The following ADAMTSL1 variants were observed in gnomAD, a reference collection of about 807,000 sequenced individuals.
ADAMTSL1 encodes the protein ADAMTS like 1.
A neutral mutation model predicts 201.8 loss-of-function variants in ADAMTSL1; 126 were observed. The ratio of observed to expected loss-of-function variants is 0.62; its 90% CI spans 0.54 to 0.72. ADAMTSL1 has a LOEUF of 0.72. Among genes scored for constraint, ADAMTSL1 ranks in the 30% least tolerant of loss-of-function variants. The pLI is 0.00. For synonymous variants in ADAMTSL1, 1,121 were observed against 903.4 expected (o/e 1.24, Z -4.32); for missense variants, 2,679 against 2,277.8 (o/e 1.18, Z -3.59).
intron 1 of ADAMTSL1, among the ~76,000 whole-genome samples, chr9:18,153,992 T>C (rs1827036520): frequency 6.6e-6 from 1 of 151,990 alleles, no homozygotes. Context: ...TTTTGAGATT[T>C]ATAGCATCAG....
intron 2 of ADAMTSL1, among the ~76,000 whole-genome samples, chr9:18,376,781 G>A (rs1043000960): frequency 6.6e-6 from 1 of 152,136 alleles, no homozygotes; most frequent in African/African-American, 2.4e-5. Flanking sequence ...ACTCCAGCCT[G>A]GGCGACAGAA....
chr9:17,960,682 A>G (rs937914389), intron 1 of ADAMTSL1, among the ~76,000 whole-genome samples: 4 of 152,182 alleles, frequency 2.6e-5, no homozygotes, highest in African/African-American at 7.2e-5. Context: ...GGCAAGAAAG[A>G]TGTTCTTTTC....
chr9:18,741,376 A>G (rs1217304568), intron 15 of ADAMTSL1, among the ~76,000 whole-genome samples: 1 of 152,212 alleles, frequency 6.6e-6, no homozygotes, highest in African/African-American at 2.4e-5. Context: ...AATTATCATG[A>G]AAGGAAAGAG....
At chr9:18,744,464 T>C (rs1434734488) in intron 15 of ADAMTSL1, among the ~76,000 whole-genome samples, 1 of 152,246 alleles carries the variant, frequency 6.6e-6, no homozygotes, top group African/African-American at 2.4e-5. Context: ...TTTAGGAAGC[T>C]GCCTCACTCT....
At chr9:18,770,303 G>C (rs923115132) in intron 16 of ADAMTSL1, among the ~76,000 whole-genome samples, 2 of 152,158 alleles carry the variant, frequency 1.3e-5, no homozygotes, top group African/African-American at 2.4e-5. Context: ...TTTTAAACCA[G>C]TTGTCTTGGA....
chr9:18,618,118 A>C lies in ADAMTSL1; in HGVS notation c.475-4125A>C, dbSNP rs149144101. On this transcript the variant is annotated intron_variant, in intron 4 of 28. Transcript: ENST00000380548. ...TGTACTTGGGAAATAGTCTCTAAAA[A>C]ATAATAGCCCTTTACAGCAATTCTT... Among the ~76,000 whole-genome samples the C allele has an allele frequency of 3.3e-5, 5 of 152,318 alleles. No homozygotes were observed. In the East Asian group the frequency reaches 9.6e-4, roughly 29 times the overall value.
At chr9:18,329,056 G>C (rs1834934632) in intron 2 of ADAMTSL1, among the ~76,000 whole-genome samples, 1 of 152,096 alleles carries the variant, frequency 6.6e-6, no homozygotes, top group African/African-American at 2.4e-5. Context: ...CCAGTGTGAG[G>C]ATATTTGGAG....
At chr9:18,107,004 G>A (rs1336414219) in intron 1 of ADAMTSL1, among the ~76,000 whole-genome samples, 2 of 152,098 alleles carry the variant, frequency 1.3e-5, no homozygotes, top group Non-Finnish European at 2.9e-5. Context: ...CACATAGGTT[G>A]GGGCTTTTTT....
At chr9:18,167,437 A>G (rs1458319630) in intron 2 of ADAMTSL1, among the ~76,000 whole-genome samples, 1 of 152,008 alleles carries the variant, frequency 6.6e-6, no homozygotes, top group Admixed American at 6.6e-5. Context: ...GAGCTTTCAG[A>G]AGGAGATCTT....
intron 2 of ADAMTSL1, among the ~76,000 whole-genome samples, chr9:18,206,971 C>T (rs890134654): frequency 5.3e-5 from 8 of 151,968 alleles, no homozygotes; most frequent in Admixed American, 5.2e-4. Flanking sequence ...TTGAGATCAG[C>T]CTGGCCAACA....
At chr9:18,586,743 C>T (rs1160813052) in intron 4 of ADAMTSL1, among the ~76,000 whole-genome samples, 1 of 152,090 alleles carries the variant, frequency 6.6e-6, no homozygotes, top group African/African-American at 2.4e-5. Context: ...GGTTCAAGAA[C>T]AGACACATAG....
chr9:18,344,271 G>C (rs1285688490), intron 2 of ADAMTSL1, among the ~76,000 whole-genome samples: 1 of 151,634 alleles, frequency 6.6e-6, no homozygotes. Flanking sequence ...GATTCTCAAA[G>C]GAGTAACCTT....
intron 1 of ADAMTSL1, among the ~76,000 whole-genome samples, chr9:18,101,136 A>G (rs990722155): frequency 1.3e-5 from 2 of 152,200 alleles, no homozygotes; most frequent in Non-Finnish European, 2.9e-5. Context: ...TCTTTCTAGA[A>G]GTCCTACATA....
intron 2 of ADAMTSL1, among the ~76,000 whole-genome samples, chr9:18,436,044 A>G (rs762862970): frequency 1.3e-5 from 2 of 152,234 alleles, no homozygotes; most frequent in Non-Finnish European, 1.5e-5. Context: ...ATAATTTTGC[A>G]TAAAGCTGGA....
At chr9:18,614,663 A>G (rs1825587919) in intron 4 of ADAMTSL1, among the ~76,000 whole-genome samples, 1 of 152,072 alleles carries the variant, frequency 6.6e-6, no homozygotes, top group African/African-American at 2.4e-5. Flanking sequence ...TGTTCTGAGG[A>G]AATAATCTGA....
intron 7 of ADAMTSL1, among the ~76,000 whole-genome samples, chr9:18,646,637 A>C (rs964724002): frequency 2.7e-5 from 4 of 149,164 alleles, no homozygotes; most frequent in African/African-American, 9.9e-5. Flanking sequence ...TTCTGCATCT[A>C]TTGAGATAAT....
chr9:18,238,668 A>G (rs1390996886), intron 2 of ADAMTSL1, among the ~76,000 whole-genome samples: 1 of 152,218 alleles, frequency 6.6e-6, no homozygotes, highest in African/African-American at 2.4e-5. Flanking sequence ...CACTGAAAGG[A>G]ACCAAATGAC....
At chr9:18,838,668 A>T (rs4977451) in intron 23 of ADAMTSL1, among the ~76,000 whole-genome samples, 56 of 151,704 alleles carry the variant, frequency 3.7e-4, no homozygotes, top group South Asian at 1.2e-3. Context: ...CACTACAAAA[A>T]TTTTTTTAAA....
intron 1 of ADAMTSL1, among the ~76,000 whole-genome samples, chr9:18,157,202 C>A (rs868446866): frequency 6.6e-6 from 1 of 152,038 alleles, no homozygotes; most frequent in Non-Finnish European, 1.5e-5. Context: ...ACAGTGCATG[C>A]CCGCTGATAA....
Sources: allele counts gnomAD v4.1 joint callset (sites outside exome capture counted in the v4.1 genomes callset), GRCh38; gene constraint gnomAD v4.1.1; transcripts MANE v1.5; gene names NCBI Gene and HGNC (gene_info 2026-07-23, HGNC 2026-07-21).